The following ATF1 variants were observed in gnomAD, a reference collection of about 807,000 sequenced individuals.
ATF1 encodes the protein activating transcription factor 1.
ATF1 carries 16 observed loss-of-function variants against 34.7 expected under a neutral mutation model. The observed-to-expected ratio is 0.46, with a 90% CI of 0.31 to 0.70. ATF1 has a LOEUF of 0.70. Among genes scored for constraint, ATF1 ranks in the 30% least tolerant of loss-of-function variants. The probability of loss-of-function intolerance (pLI) is 0.05; values close to 1 mark genes in which losing one functional copy is unlikely to be tolerated. For synonymous variants in ATF1, 105 were observed against 113.1 expected (o/e 0.93, Z 0.46); for missense variants, 255 against 321.6 (o/e 0.79, Z 1.58).
At position 50,809,527 on chromosome 12, in the gene ATF1, C is replaced by T. The variant is rs1941690580; in HGVS notation, c.266C>T (p.Ser89Phe). 2 of 1,613,776 alleles carry T rather than the reference C, an allele frequency of 1.2e-6. No individual in the cohort carries two copies. Among genetic ancestry groups the T allele is most frequent in the Non-Finnish European group, 1.7e-6 (2 of 1,179,768 alleles). ...GGAGACGGAGAAAATTCTGGAGTTTCTGCTGCTGTCACTTCTATGTCTGTT... is the reference window on the plus strand; with the variant it reads ...GGAGACGGAGAAAATTCTGGAGTTTTTGCTGCTGTCACTTCTATGTCTGTT... ...RKGDGENSGV[S>F]AAVTSMSVPT... The change falls in exon 4 of 7, where the codon TCT becomes TTT. Residue 89 changes from serine to phenylalanine, a missense_variant. By Grantham distance (155) the Ser-to-Phe change is radical (BLOSUM62 -2). Coordinates refer to ENST00000262053, the MANE Select transcript of ATF1 (RefSeq NM_005171.5).
chr12:50,783,865 TGAAAAA>T (rs1174966808), intron 2 of ATF1, among the ~76,000 whole-genome samples: 1 of 113,612 alleles, frequency 8.8e-6, no homozygotes, highest in Non-Finnish European at 1.8e-5. Flanking sequence ...AAACTCCGTC[TGAAAAA>T]AAAAAAAAAA....
intron 3 of ATF1, among the ~76,000 whole-genome samples, chr12:50,797,472 C>G (rs1397943595): frequency 8.5e-5 from 13 of 152,076 alleles, no homozygotes; most frequent in Admixed American, 8.5e-4. Flanking sequence ...TTATTTTTAT[C>G]TTTAAATTAT....
chr12:50,795,066 T>G (rs1456512167), intron 2 of ATF1, among the ~76,000 whole-genome samples: 1 of 152,242 alleles, frequency 6.6e-6, no homozygotes, highest in Admixed American at 6.5e-5. Context: ...TGTATTAACT[T>G]GTGAAATGAG....
At chr12:50,779,243 TCTC>T (rs1163179508) in intron 1 of ATF1, among the ~76,000 whole-genome samples, 2 of 152,206 alleles carry the variant, frequency 1.3e-5, no homozygotes, top group East Asian at 3.8e-4. Context: ...CAAATATTCT[TCTC>T]CTTGAGACCG....
chr12:50,790,589 T>C (rs1024715765), intron 2 of ATF1, among the ~76,000 whole-genome samples: 3 of 152,152 alleles, frequency 2.0e-5, no homozygotes, highest in Non-Finnish European at 4.4e-5. Context: ...GCAAGACAGA[T>C]TTTATCAGAT....
intron 3 of ATF1, 83 bp from the exon 4 acceptor site, chr12:50,809,373 C>CAAAA (rs56060219): frequency 6.3e-5 from 48 of 759,322 alleles, no homozygotes; most frequent in African/African-American, 3.8e-4. Flanking sequence ...GATCTTGTCT[C>CAAAA]AAAAAAAAAA....
Position 50,814,017 on chromosome 12 carries a change from T to C in ATF1, c.336T>C (p.Ile112=). The change falls in exon 5 of 7, where the codon ATT becomes ATC. Residue 112 remains isoleucine (I), a synonymous_variant. Transcript: ENST00000262053. ...YQTSSGQYIA[I]APNGALQLAS... is the part of the protein sequence containing the mutation. ...TTCTCTTTTTGATTAAAGTTGCCAT[T>C]GCCCCAAATGGAGCCTTACAGTTGG... is the stretch of plus-strand genomic sequence containing the variant. 6 of 1,610,624 alleles carry C rather than the reference T, an allele frequency of 3.7e-6. No individual in the cohort carries two copies. Among genetic ancestry groups the C allele is most frequent in the Non-Finnish European group, 4.2e-6 (5 of 1,179,114 alleles).
chr12:50,767,420 T>C (rs1478123510), intron 1 of ATF1, among the ~76,000 whole-genome samples: 1 of 152,114 alleles, frequency 6.6e-6, no homozygotes, highest in Non-Finnish European at 1.5e-5. Context: ...CTTGGGAGGC[T>C]GAGGCAGGAT....
rs1367047544 is a variant in ATF1 at position 50,814,328 on chromosome 12, C to T, written c.560C>T (p.Ala187Val). The T allele has an allele frequency of 5.6e-6, 9 of 1,614,086 alleles. No homozygotes were observed. The highest frequency in any genetic ancestry group is 6.8e-6 in the Non-Finnish European group (8 of 1,180,030). ...TATCAGATCCGAACTACACCTTCAG[C>T]TACTTCTCTGCCACAAACTGTGGTG... ...QTYQIRTTPS[A>V]TSLPQTVVMT... Residue 187 changes from alanine to valine, a missense_variant, in exon 6 of 7, where the codon GCT (alanine) becomes GTT (valine). By Grantham distance (64) the Ala-to-Val change is moderately conservative (BLOSUM62 0). Transcript: ENST00000262053.
chr12:50,781,186 C>T (rs919862295), intron 2 of ATF1, among the ~76,000 whole-genome samples: 5 of 152,162 alleles, frequency 3.3e-5, no homozygotes, highest in South Asian at 4.1e-4. Context: ...TGATAGAAAA[C>T]GGCATGGTAT....
At chr12:50,778,224 CT>C (rs71086479) in intron 1 of ATF1, among the ~76,000 whole-genome samples, 20,755 of 95,722 alleles carry the variant, frequency 0.22, 1,026 homozygotes, top group Middle Eastern at 0.29. Flanking sequence ...CCATATTAAC[CT>C]TTTTTTTTTT....
chr12:50,766,005 G>T (rs1940625412), intron 1 of ATF1, among the ~76,000 whole-genome samples: 1 of 152,130 alleles, frequency 6.6e-6, no homozygotes, highest in Admixed American at 6.6e-5. Context: ...ACATCGCACT[G>T]TGGACTTGCC....
intron 1 of ATF1, among the ~76,000 whole-genome samples, chr12:50,778,678 C>G (rs1161126629): frequency 6.6e-6 from 1 of 152,078 alleles, no homozygotes; most frequent in Non-Finnish European, 1.5e-5. Context: ...ACCTCCACCT[C>G]CCGGGTTCAA....
At chr12:50,816,976 A>G (rs1941856260) in intron 6 of ATF1, among the ~76,000 whole-genome samples, 1 of 152,228 alleles carries the variant, frequency 6.6e-6, no homozygotes. Flanking sequence ...GATACCCTTT[A>G]TACCCACCCA....
chr12:50,779,550 CTTT>C (rs199952392), intron 1 of ATF1, among the ~76,000 whole-genome samples: 3 of 139,490 alleles, frequency 2.2e-5, no homozygotes. Context: ...AGCCCTCTCT[CTTT>C]TTTTTTTTTT....
intron 4 of ATF1, among the ~76,000 whole-genome samples, chr12:50,813,525 A>G (rs777465206): frequency 2.0e-5 from 3 of 152,212 alleles, no homozygotes; most frequent in African/African-American, 4.8e-5. Flanking sequence ...AAAATTAACT[A>G]TCATGGGGCC....
intron 2 of ATF1, among the ~76,000 whole-genome samples, chr12:50,784,314 A>T (rs528032954): frequency 1.3e-5 from 2 of 152,330 alleles, no homozygotes; most frequent in East Asian, 1.9e-4. Flanking sequence ...AGTTGGTAAT[A>T]TGTGCCATGG....
At chr12:50,801,507 A>G (rs575401822) in intron 3 of ATF1, among the ~76,000 whole-genome samples, 18 of 152,262 alleles carry the variant, frequency 1.2e-4, no homozygotes, top group Admixed American at 5.2e-4. Flanking sequence ...ACACTCACCA[A>G]TTAAAAGGCA....
At chr12:50,803,792 C>T (rs193150024) in intron 3 of ATF1, among the ~76,000 whole-genome samples, 2 of 152,260 alleles carry the variant, frequency 1.3e-5, no homozygotes, top group African/African-American at 4.8e-5. Flanking sequence ...AGTGCTAATA[C>T]ATGCTACAAC....
Sources: allele counts gnomAD v4.1 joint callset (sites outside exome capture counted in the v4.1 genomes callset), GRCh38; gene constraint gnomAD v4.1.1; transcripts MANE v1.5; gene names NCBI Gene and HGNC (gene_info 2026-07-23, HGNC 2026-07-21).